AKT3: variants seen among roughly 807,000 people sequenced by gnomAD.
AKT3 encodes AKT serine/threonine kinase 3.
In AKT3, 15 loss-of-function variants were observed where a neutral mutation model predicts 65.3. That is an observed-to-expected ratio of 0.23 (90% CI 0.15 to 0.35). AKT3 has a LOEUF of 0.35. Ranked by LOEUF, AKT3 falls within the 10% of genes least tolerant of loss-of-function variation. AKT3 has a pLI of 1.00. For missense variants in AKT3, 243 were observed against 576.5 expected (o/e 0.42, Z 5.92); for synonymous variants, 206 against 183.8 (o/e 1.12, Z -0.98).
At chr1:243,715,565 A>G (rs994427687) in intron 2 of AKT3, among the ~76,000 whole-genome samples, 3 of 152,132 alleles carry the variant, frequency 2.0e-5, no homozygotes, top group Non-Finnish European at 4.4e-5. Flanking sequence ...CAATGTCATG[A>G]TACTATCTGG....
intron 11 of AKT3, chr1:243,546,840 G>T (rs6429429): frequency 0.95 from 144,560 of 152,284 alleles, 69,098 homozygotes; most frequent in East Asian, 1. Flanking sequence ...TCTGCTGTAC[G>T]CCAAAGCCAC....
intron 8 of AKT3, among the ~76,000 whole-genome samples, chr1:243,590,367 T>C (rs911733902): frequency 6.6e-6 from 1 of 152,104 alleles, no homozygotes; most frequent in Non-Finnish European, 1.5e-5. Context: ...TTTATACAAT[T>C]TTATTTGTTC....
intron 3 of AKT3, 94 bp downstream of exon 3, chr1:243,695,497 T>G: frequency 7.4e-6 from 9 of 1,221,596 alleles, no homozygotes; most frequent in Non-Finnish European, 9.8e-6. Context: ...ACCCAAACTT[T>G]TTCACAGGTT....
At chr1:243,614,382 G>A (rs1375533308) in intron 7 of AKT3, among the ~76,000 whole-genome samples, 2 of 152,114 alleles carry the variant, frequency 1.3e-5, no homozygotes, top group Admixed American at 6.6e-5. Context: ...ACTTTGGAAA[G>A]TCTAGCTATT....
At chr1:243,542,160 CAGA>C (rs1450321393) in intron 12 of AKT3, among the ~76,000 whole-genome samples, 1 of 152,148 alleles carries the variant, frequency 6.6e-6, no homozygotes, top group African/African-American at 2.4e-5. Flanking sequence ...AGCAGACTGA[CAGA>C]GTGTAAAATT....
chr1:243,839,830 G>T (rs1247921519), intron 2 of AKT3, among the ~76,000 whole-genome samples: 1 of 148,002 alleles, frequency 6.8e-6, no homozygotes, highest in Admixed American at 6.8e-5. Context: ...ATTTTTTGTT[G>T]TTGTTGTTGA....
chr1:243,690,968 CT>C (rs1272531775), intron 3 of AKT3, among the ~76,000 whole-genome samples: 6 of 152,154 alleles, frequency 3.9e-5, no homozygotes, highest in Non-Finnish European at 8.8e-5. Context: ...AGACTAAGCT[CT>C]TTCCCCTAAA....
intron 6 of AKT3, among the ~76,000 whole-genome samples, chr1:243,616,430 T>C (rs1236187839): frequency 6.7e-6 from 1 of 149,202 alleles, no homozygotes; most frequent in Admixed American, 6.7e-5. Context: ...TGGGCATAAA[T>C]CTCATATTGA....
intron 5 of AKT3, among the ~76,000 whole-genome samples, chr1:243,642,568 C>A (rs985141734): frequency 6.6e-6 from 1 of 152,202 alleles, no homozygotes; most frequent in Non-Finnish European, 1.5e-5. Context: ...CTTGGCCTCC[C>A]AAAGTGCTGG....
chr1:243,544,853 G>A (rs1672556521), intron 12 of AKT3, among the ~76,000 whole-genome samples: 2 of 151,246 alleles, frequency 1.3e-5, no homozygotes. Flanking sequence ...GCGCCACCAC[G>A]CCCAGTTGAT....
At chr1:243,669,346 G>A (rs1387167595) in intron 3 of AKT3, among the ~76,000 whole-genome samples, 1 of 152,190 alleles carries the variant, frequency 6.6e-6, no homozygotes, top group Non-Finnish European at 1.5e-5. Flanking sequence ...ACACTTAAAT[G>A]AGGGGCGTGC....
intron 3 of AKT3, among the ~76,000 whole-genome samples, chr1:243,673,690 T>A (rs1683309948): frequency 6.7e-6 from 1 of 148,766 alleles, no homozygotes; most frequent in Non-Finnish European, 1.5e-5. Context: ...CTCGGCTCAC[T>A]GCAACCTCCG....
At chr1:243,815,471 TCTA>T (rs1693452087) in intron 2 of AKT3, among the ~76,000 whole-genome samples, 1 of 152,172 alleles carries the variant, frequency 6.6e-6, no homozygotes, top group African/African-American at 2.4e-5. Flanking sequence ...TACTCAAACT[TCTA>T]CTAACAGTCA....
At chr1:243,515,998 G>T (rs1266000704) in intron 12 of AKT3, among the ~76,000 whole-genome samples, 1 of 151,754 alleles carries the variant, frequency 6.6e-6, no homozygotes, top group Non-Finnish European at 1.5e-5. Context: ...AAAATCTCTT[G>T]CATATTGATA....
downstream of AKT3, among the ~76,000 whole-genome samples, chr1:243,498,589 T>A (rs1185865221): frequency 2.0e-5 from 3 of 152,258 alleles, no homozygotes; most frequent in Non-Finnish European, 4.4e-5. Flanking sequence ...TCAGGGTCTC[T>A]CACACACTGG....
At chr1:243,522,475 T>G (rs183411269) in intron 12 of AKT3, among the ~76,000 whole-genome samples, 2 of 152,052 alleles carry the variant, frequency 1.3e-5, no homozygotes, top group Non-Finnish European at 2.9e-5. Flanking sequence ...CTGAGTAACA[T>G]AGAGAGACTC....
chr1:243,520,625 T>A (rs913065273), intron 12 of AKT3, among the ~76,000 whole-genome samples: 2 of 152,230 alleles, frequency 1.3e-5, no homozygotes, highest in Admixed American at 6.5e-5. Flanking sequence ...TATAGTGTCA[T>A]TAACTGCAAA....
chr1:243,636,968 A>G (rs1486344212), intron 6 of AKT3, among the ~76,000 whole-genome samples: 5 of 152,162 alleles, frequency 3.3e-5, no homozygotes, highest in South Asian at 4.1e-4. Flanking sequence ...TCCATAAAGT[A>G]TAACAGTAAT....
intron 9 of AKT3, among the ~76,000 whole-genome samples, chr1:243,566,837 T>C (rs1302631751): frequency 2.0e-5 from 3 of 152,208 alleles, no homozygotes; most frequent in Non-Finnish European, 4.4e-5. Flanking sequence ...TAATGGCTTA[T>C]TTGTAAATTG....
Sources: gnomAD v4.1 joint callset for allele counts (sites outside exome capture counted in the v4.1 genomes callset) on GRCh38, gnomAD v4.1.1 for gene constraint, MANE v1.5 for transcripts, NCBI Gene and HGNC (gene_info 2026-07-23, HGNC 2026-07-21) for gene names.